RFX7: variants seen among roughly 807,000 people sequenced by gnomAD.
RFX7 encodes the protein regulatory factor X7, also known as DNA-binding protein RFX7.
A neutral mutation model predicts 111.8 loss-of-function variants in RFX7; 26 were observed. The observed-to-expected ratio is 0.23, with a 90% CI of 0.17 to 0.32. The LOEUF (loss-of-function observed/expected upper bound fraction) is 0.32. RFX7 is among the 10% of genes least tolerant of loss of function. RFX7 has a pLI of 1.00. For missense variants in RFX7, 1,573 were observed against 1,772.9 expected, an observed-to-expected ratio of 0.89 and a Z score of 2.02; for synonymous variants, 624 against 624.4, an observed-to-expected ratio of 1.00 and a Z score of 0.01.
At chr15:56,116,785 T>C (rs1229902242) in intron 5 of RFX7, among the ~76,000 whole-genome samples, 2 of 151,596 alleles carry the variant, frequency 1.3e-5, no homozygotes, top group African/African-American at 2.4e-5. Context: ...AGTGGGATAC[T>C]ACATAGCAGT....
intron 2 of RFX7, among the ~76,000 whole-genome samples, chr15:56,180,412 A>T (rs1271417492): frequency 3.3e-5 from 5 of 152,156 alleles, no homozygotes; most frequent in African/African-American, 1.2e-4. Context: ...TCCCCTTCCC[A>T]CAGTCCTACA....
intron 2 of RFX7, among the ~76,000 whole-genome samples, chr15:56,238,164 T>A (rs2038177498): frequency 6.6e-6 from 1 of 152,170 alleles, no homozygotes; most frequent in South Asian, 2.1e-4. Flanking sequence ...AGAATAAAAC[T>A]GAACCACTGC....
At chr15:56,138,349 G>A (rs1466338565) in intron 5 of RFX7, among the ~76,000 whole-genome samples, 2 of 151,006 alleles carry the variant, frequency 1.3e-5, no homozygotes, top group African/African-American at 4.9e-5. Flanking sequence ...TTGTTGAATT[G>A]ATCCCTTTAC....
chr15:56,219,627 C>T (rs1417983666), intron 2 of RFX7, among the ~76,000 whole-genome samples: 1 of 152,158 alleles, frequency 6.6e-6, no homozygotes, highest in Non-Finnish European at 1.5e-5. Context: ...TTAATTTTCT[C>T]TTCCTGCATT....
chr15:56,231,834 G>A (rs1435957220), intron 2 of RFX7, among the ~76,000 whole-genome samples: 1 of 152,162 alleles, frequency 6.6e-6, no homozygotes, highest in Non-Finnish European at 1.5e-5. Context: ...TACAGGCATT[G>A]GATAAATACT....
At chr15:56,165,927 G>A (rs1469687014) in intron 3 of RFX7, among the ~76,000 whole-genome samples, 1 of 151,954 alleles carries the variant, frequency 6.6e-6, no homozygotes, top group Non-Finnish European at 1.5e-5. Flanking sequence ...GATAGGACAG[G>A]GTCTCATTCT....
chr15:56,178,451 T>C (rs1321058312), intron 3 of RFX7, among the ~76,000 whole-genome samples: 3 of 151,984 alleles, frequency 2.0e-5, no homozygotes, highest in East Asian at 3.8e-4. Context: ...AACAACAACA[T>C]AGTCAGGTTA....
At chr15:56,149,740 C>T (rs2042541229) in intron 3 of RFX7, among the ~76,000 whole-genome samples, 1 of 152,128 alleles carries the variant, frequency 6.6e-6, no homozygotes, top group Non-Finnish European at 1.5e-5. Context: ...CTACCAGGGC[C>T]CTGGGTTTCA....
chr15:56,096,889 A>G (rs746382631), intron 9 of RFX7, among the ~76,000 whole-genome samples: 45 of 152,222 alleles, frequency 3.0e-4, no homozygotes, highest in Non-Finnish European at 6.0e-4. Context: ...CCTGTGATGA[A>G]TATTTGCTGA....
At chr15:56,227,312 C>G (rs751421752) in intron 2 of RFX7, among the ~76,000 whole-genome samples, 3 of 152,144 alleles carry the variant, frequency 2.0e-5, no homozygotes, top group Non-Finnish European at 2.9e-5. Flanking sequence ...TTTTTATCCA[C>G]TCTGACAGTC....
intron 9 of RFX7, among the ~76,000 whole-genome samples, chr15:56,097,004 G>A (rs186031205): frequency 2.3e-4 from 35 of 152,218 alleles, no homozygotes; most frequent in African/African-American, 7.9e-4. Context: ...CTCACTCATA[G>A]GGGAAACTGT....
intron 2 of RFX7, among the ~76,000 whole-genome samples, chr15:56,209,076 A>G (rs2043285009): frequency 6.6e-6 from 1 of 152,106 alleles, no homozygotes; most frequent in African/African-American, 2.4e-5. Flanking sequence ...GTCAACCAAC[A>G]TCAATGTCAA....
At chr15:56,205,088 G>A (rs1475808244) in intron 2 of RFX7, among the ~76,000 whole-genome samples, 1 of 152,144 alleles carries the variant, frequency 6.6e-6, no homozygotes, top group African/African-American at 2.4e-5. Flanking sequence ...AAAAATTTAA[G>A]ACAAAGCACA....
chr15:56,180,044 A>G (rs1184055705), intron 2 of RFX7, among the ~76,000 whole-genome samples: 1 of 152,200 alleles, frequency 6.6e-6, no homozygotes, highest in African/African-American at 2.4e-5. Context: ...CACATAGGAA[A>G]GTGAAAATGC....
intron 5 of RFX7, among the ~76,000 whole-genome samples, chr15:56,137,206 G>T (rs1416610289): frequency 6.6e-6 from 1 of 152,058 alleles, no homozygotes; most frequent in South Asian, 2.1e-4. Flanking sequence ...GTTCCTCCTT[G>T]TACCTCTGGT....
intron 2 of RFX7, among the ~76,000 whole-genome samples, chr15:56,207,765 CTA>C (rs1157378204): frequency 4.6e-5 from 7 of 152,228 alleles, no homozygotes; most frequent in Admixed American, 2.0e-4. Flanking sequence ...TAAGTCAACA[CTA>C]AGCCCTACAA....
intron 2 of RFX7, among the ~76,000 whole-genome samples, chr15:56,205,109 A>C (rs367559971): frequency 6.6e-5 from 10 of 152,224 alleles, no homozygotes; most frequent in African/African-American, 2.4e-4. Context: ...TACTCCAAAA[A>C]ATATTGTCTA....
At chr15:56,176,939 T>TA (rs33975389) in intron 3 of RFX7, among the ~76,000 whole-genome samples, 75 of 148,646 alleles carry the variant, frequency 5.0e-4, no homozygotes, top group African/African-American at 1.6e-3. Flanking sequence ...GCCAGGGTAT[T>TA]AAAAAAAAAA....
At position 56,243,492 on chromosome 15, in the gene RFX7, C is replaced by G; in HGVS notation, c.-50G>C. 2 of 985,010 alleles carry G rather than the reference C, an allele frequency of 2.0e-6. No individual in the cohort carries two copies. Among genetic ancestry groups the G allele is most frequent in the Non-Finnish European group, 2.4e-6 (2 of 829,798 alleles). The allele number at this position is 985,010 out of a possible 1,614,324, so 61.0% of individuals were successfully genotyped here. A position where few individuals can be genotyped will look rare whatever the true frequency, so the allele number is the denominator to read the frequency against. Reference sequence around the variant, plus strand: ...TTCGCCTGCCGCCTGGGGAACATCACCGGGGAGACCAGCGGCTCCTCACGG... The same window carrying G: ...TTCGCCTGCCGCCTGGGGAACATCAGCGGGGAGACCAGCGGCTCCTCACGG... On this transcript the variant is annotated 5_prime_UTR_variant, in exon 1 of 10. Coordinates refer to ENST00000559447, the MANE Select transcript of RFX7 (RefSeq NM_022841.7).
Sources: gnomAD v4.1 joint callset for allele counts (sites outside exome capture counted in the v4.1 genomes callset) on GRCh38, gnomAD v4.1.1 for gene constraint, MANE v1.5 for transcripts, NCBI Gene and HGNC (gene_info 2026-07-23, HGNC 2026-07-21) for gene names.